STAU1: variants seen among roughly 807,000 people sequenced by gnomAD.
STAU1 encodes staufen double-stranded RNA binding protein 1.
Under a neutral mutation model 62.9 loss-of-function variants are expected in STAU1, and 13 were observed. That is an observed-to-expected ratio of 0.21 (90% CI 0.13 to 0.33). The LOEUF is 0.33. STAU1 is among the 10% of genes least tolerant of loss of function. The pLI is 1.00. For synonymous variants in STAU1, 269 were observed against 265.1 expected, an observed-to-expected ratio of 1.01 and a Z score of -0.14; for missense variants, 571 against 712.1, an observed-to-expected ratio of 0.80 and a Z score of 2.25.
At chr20:49,209,764 A>C in the STAU1 span, among the ~76,000 whole-genome samples, 1 of 151,754 alleles carries the variant, frequency 6.6e-6, no homozygotes, top group South Asian at 2.1e-4. Context: ...CATAATGATA[A>C]TTGGCCAGGT....
chr20:49,177,005 G>A (rs556274055), intron 1 of STAU1, among the ~76,000 whole-genome samples: 2 of 150,956 alleles, frequency 1.3e-5, no homozygotes, highest in African/African-American at 4.9e-5. Context: ...TCCGCCTCCC[G>A]GGTTCAAGCG....
chr20:49,145,374 A>C (rs2093105089), intron 5 of STAU1, among the ~76,000 whole-genome samples: 1 of 134,704 alleles, frequency 7.4e-6, no homozygotes, highest in African/African-American at 2.8e-5. Context: ...CAGTGAGCCG[A>C]GATTACACCA....
At chr20:49,116,592 G>A (rs1333529062) in intron 12 of STAU1, among the ~76,000 whole-genome samples, 1 of 152,002 alleles carries the variant, frequency 6.6e-6, no homozygotes, top group Admixed American at 6.6e-5. Flanking sequence ...GCCTGCCTCA[G>A]CCTCCCGCAG....
chr20:49,175,443 A>G (rs1214109268), intron 1 of STAU1, among the ~76,000 whole-genome samples: 1 of 152,076 alleles, frequency 6.6e-6, no homozygotes, highest in Non-Finnish European at 1.5e-5. Flanking sequence ...TTCCCTGATG[A>G]GAGTAATATG....
intron 6 of STAU1, among the ~76,000 whole-genome samples, chr20:49,125,758 G>A (rs999278056): frequency 2.6e-5 from 4 of 151,984 alleles, no homozygotes; most frequent in Non-Finnish European, 4.4e-5. Flanking sequence ...TGAAGCAGGA[G>A]AATGGCGTGA....
At chr20:49,201,071 A>AGAAG in the STAU1 span, among the ~76,000 whole-genome samples, 1 of 104,562 alleles carries the variant, frequency 9.6e-6, no homozygotes, top group South Asian at 4.4e-4. Flanking sequence ...AAAAAAAAAA[A>AGAAG]AAGAAGAAGA....
intron 1 of STAU1, among the ~76,000 whole-genome samples, chr20:49,174,694 T>G (rs893410332): frequency 6.6e-6 from 1 of 152,090 alleles, no homozygotes; most frequent in African/African-American, 2.4e-5. Context: ...TCCCAGCACT[T>G]TGGGAGGCCG....
At chr20:49,171,116 C>A (rs2093591399) in intron 2 of STAU1, among the ~76,000 whole-genome samples, 1 of 152,200 alleles carries the variant, frequency 6.6e-6, no homozygotes, top group African/African-American at 2.4e-5. Context: ...CATCTTTCAG[C>A]AATCACATGT....
chr20:49,166,835 A>G (rs931311693), intron 2 of STAU1, among the ~76,000 whole-genome samples: 1 of 152,162 alleles, frequency 6.6e-6, no homozygotes, highest in African/African-American at 2.4e-5. Flanking sequence ...TATGGTGATG[A>G]GAGATGTATT....
the STAU1 span, among the ~76,000 whole-genome samples, chr20:49,215,191 T>A: frequency 6.6e-6 from 1 of 152,116 alleles, no homozygotes; most frequent in South Asian, 2.1e-4. Flanking sequence ...ACTTGCTGGG[T>A]TTTTTTCTTA....
At chr20:49,165,682 G>A in intron 3 of STAU1, among the ~76,000 whole-genome samples, 1 of 152,228 alleles carries the variant, frequency 6.6e-6, no homozygotes. Flanking sequence ...ATACAACGAT[G>A]AATATCCAAG....
At chr20:49,159,228 C>T in intron 3 of STAU1, 1 of 888,982 alleles carries the variant, frequency 1.1e-6, no homozygotes, top group South Asian at 4.0e-5. Context: ...GTGCTACCTG[C>T]CACTCTGCTG....
At position 49,165,624 on chromosome 20, in the gene STAU1, C is replaced by T. The variant is rs555563279; in HGVS notation, c.205+373G>A. On this transcript the variant is annotated intron_variant, in intron 3 of 13. Transcript: ENST00000371856. ...GTGCTGGGATTACAGGCGTGAGCCA[C>T]GGCACCTGGCTTGTTCTGGGAAATA... 3.9e-5 allele frequency among the ~76,000 whole-genome samples: 6 copies of T among 152,364 alleles called. No homozygotes were observed. The South Asian group carries it at 8.3e-4, about 21-fold the overall frequency.
At chr20:49,151,505 A>C in intron 5 of STAU1, 77 bp downstream of exon 5, 6 of 1,370,428 alleles carry the variant, frequency 4.4e-6, no homozygotes, top group Non-Finnish European at 5.7e-6. Context: ...TTCTTAGAAA[A>C]GATAATGTGC....
the STAU1 span, among the ~76,000 whole-genome samples, chr20:49,204,623 TGTGTATATATATATATATA>T: frequency 4.9e-3 from 195 of 40,070 alleles, no homozygotes; most frequent in Non-Finnish European, 6.4e-3. Context: ...TATATATATA[TGTGTATATATATATATATA>T]TATATTTTTT....
At chr20:49,161,531 T>G (rs1011150494) in intron 3 of STAU1, among the ~76,000 whole-genome samples, 1 of 152,158 alleles carries the variant, frequency 6.6e-6, no homozygotes, top group African/African-American at 2.4e-5. Context: ...AGGTGGGTTA[T>G]AAATGCACAA....
intron 5 of STAU1, among the ~76,000 whole-genome samples, chr20:49,143,148 G>A (rs951871666): frequency 6.6e-6 from 1 of 152,140 alleles, no homozygotes; most frequent in African/African-American, 2.4e-5. Flanking sequence ...TCCAAGTAGG[G>A]AGGCAGCAAA....
the STAU1 span, among the ~76,000 whole-genome samples, chr20:49,201,044 C>CAAAAAAAAAAAAAAAAAAAAAAAAAAAAA: frequency 6.3e-5 from 2 of 31,500 alleles, no homozygotes; most frequent in Non-Finnish European, 1.1e-4. Context: ...GACCCACTCT[C>CAAAAAAAAAAAAAAAAAAAAAAAAAAAAA]AAAAAAAAAA....
At chr20:49,183,132 A>C (rs2093746817) in intron 1 of STAU1, among the ~76,000 whole-genome samples, 1 of 152,214 alleles carries the variant, frequency 6.6e-6, no homozygotes, top group Non-Finnish European at 1.5e-5. Flanking sequence ...ATTACACGAG[A>C]AGCATTTCAA....
Sources: allele counts gnomAD v4.1 joint callset (sites outside exome capture counted in the v4.1 genomes callset), GRCh38; gene constraint gnomAD v4.1.1; transcripts MANE v1.5; gene names NCBI Gene and HGNC (gene_info 2026-07-23, HGNC 2026-07-21).